ADAMTSL1: variants seen among roughly 807,000 people sequenced by gnomAD.
ADAMTSL1 encodes the protein ADAMTS-like protein 1.
ADAMTSL1 carries 126 observed loss-of-function variants against 201.8 expected under a neutral mutation model. The ratio of observed to expected loss-of-function variants is 0.62; its 90% CI spans 0.54 to 0.72. ADAMTSL1 has a LOEUF of 0.72. Among genes scored for constraint, ADAMTSL1 ranks in the 30% least tolerant of loss-of-function variants. The probability of loss-of-function intolerance (pLI) is 0.00; values close to 1 mark genes in which losing one functional copy is unlikely to be tolerated. For missense variants in ADAMTSL1, 2,679 were observed against 2,277.8 expected (o/e 1.18, Z -3.59); for synonymous variants, 1,121 against 903.4 (o/e 1.24, Z -4.32).
intron 1 of ADAMTSL1, among the ~76,000 whole-genome samples, chr9:18,481,626 A>C (rs919106270): frequency 6.6e-6 from 1 of 152,038 alleles, no homozygotes; most frequent in African/African-American, 2.4e-5. Flanking sequence ...GCACCTGCTT[A>C]GACGCTGTTT....
At chr9:18,214,106 C>T (rs1379804613) in intron 2 of ADAMTSL1, among the ~76,000 whole-genome samples, 3 of 152,154 alleles carry the variant, frequency 2.0e-5, no homozygotes, top group Admixed American at 2.0e-4. Flanking sequence ...ACAAAGTCAA[C>T]TCTTAGTGAT....
chr9:18,772,924 A>G (rs1373466075), intron 17 of ADAMTSL1, among the ~76,000 whole-genome samples: 1 of 152,192 alleles, frequency 6.6e-6, no homozygotes, highest in East Asian at 1.9e-4. Flanking sequence ...TAATGAATGG[A>G]GATTCCAAAC....
chr9:18,721,916 G>A (rs1262758508), intron 15 of ADAMTSL1, among the ~76,000 whole-genome samples: 2 of 152,210 alleles, frequency 1.3e-5, no homozygotes, highest in African/African-American at 2.4e-5. Context: ...TGGCTGGTAT[G>A]TGTGTGTGCC....
At chr9:18,084,965 G>T (rs1347810719) in intron 1 of ADAMTSL1, among the ~76,000 whole-genome samples, 1 of 152,162 alleles carries the variant, frequency 6.6e-6, no homozygotes, top group Non-Finnish European at 1.5e-5. Context: ...GGGAAGTTAG[G>T]TAAGACTCTA....
At chr9:18,079,653 G>T (rs10963438) in intron 1 of ADAMTSL1, among the ~76,000 whole-genome samples, 1 of 151,328 alleles carries the variant, frequency 6.6e-6, no homozygotes, top group Non-Finnish European at 1.5e-5. Context: ...CTGCACTCCA[G>T]TCTGGGAGAC....
In ADAMTSL1 at chr9:17,931,059, T is replaced by C. The variant is rs368285652; in HGVS notation, c.87+24137T>C. On this transcript the variant is annotated intron_variant, in intron 1 of 29. Coordinates refer to the ADAMTSL1 transcript ENST00000680146. ...TACAAATAAAAACCAGTTCTCCATCTCATGGGGCTATTAATCAAATAGTAT... is the reference window on the plus strand; with the variant it reads ...TACAAATAAAAACCAGTTCTCCATCCCATGGGGCTATTAATCAAATAGTAT... Among the ~76,000 whole-genome samples, 19 of 152,274 alleles carry C rather than the reference T, an allele frequency of 1.2e-4. 2 individuals are homozygous for C. The East Asian group carries it at 1.7e-3, about 14-fold the overall frequency.
chr9:18,894,888 G>GA (rs1050179141), intron 26 of ADAMTSL1, among the ~76,000 whole-genome samples: 10 of 152,012 alleles, frequency 6.6e-5, no homozygotes, highest in Non-Finnish European at 1.5e-4. Context: ...TAAACTGGGG[G>GA]AAAAAGAGGA....
At chr9:18,062,551 C>T (rs1822506471) in intron 1 of ADAMTSL1, among the ~76,000 whole-genome samples, 2 of 151,912 alleles carry the variant, frequency 1.3e-5, no homozygotes, top group African/African-American at 4.8e-5. Flanking sequence ...GAGACATCTA[C>T]CTTTAACTGT....
intron 3 of ADAMTSL1, among the ~76,000 whole-genome samples, chr9:18,540,576 G>A (rs112718401): frequency 1.3e-4 from 20 of 152,256 alleles, no homozygotes; most frequent in African/African-American, 4.8e-4. Context: ...AAAGAAGTGG[G>A]ATATTTATCT....
chr9:18,559,072 A>G (rs1422621395), intron 3 of ADAMTSL1, among the ~76,000 whole-genome samples: 2 of 152,118 alleles, frequency 1.3e-5, no homozygotes, highest in Admixed American at 1.3e-4. Context: ...TTAGTCGTGA[A>G]GTCTTTGCCC....
intron 1 of ADAMTSL1, among the ~76,000 whole-genome samples, chr9:18,488,143 C>T (rs1822090883): frequency 6.6e-6 from 1 of 152,202 alleles, no homozygotes; most frequent in South Asian, 2.1e-4. Flanking sequence ...CTCTCATTCC[C>T]TATCATCTGA....
chr9:18,161,416 T>G (rs781508415), intron 1 of ADAMTSL1, among the ~76,000 whole-genome samples: 9 of 152,094 alleles, frequency 5.9e-5, no homozygotes, highest in Non-Finnish European at 1.2e-4. Context: ...TAACTAAAGG[T>G]GATCACCATT....
chr9:17,937,868 C>G (rs1226631049), intron 1 of ADAMTSL1, among the ~76,000 whole-genome samples: 1 of 152,094 alleles, frequency 6.6e-6, no homozygotes, highest in Non-Finnish European at 1.5e-5. Context: ...TGGTGTTTTA[C>G]AATTCATGTT....
intron 20 of ADAMTSL1, among the ~76,000 whole-genome samples, chr9:18,815,401 G>A (rs748396553): frequency 2.6e-5 from 4 of 151,314 alleles, no homozygotes; most frequent in Non-Finnish European, 5.9e-5. Context: ...GAAAAAGAAT[G>A]AGGACAGGCG....
chr9:18,091,050 A>AGT (rs1208940951), intron 1 of ADAMTSL1, among the ~76,000 whole-genome samples: 14 of 138,564 alleles, frequency 1.0e-4, no homozygotes, highest in South Asian at 4.7e-4. Flanking sequence ...TTAAATAAGT[A>AGT]GTGTGTGTGT....
Position 18,844,170 on chromosome 9 carries a change from C to T in ADAMTSL1, c.4249+14193C>T, listed in dbSNP as rs939927528. Among the ~76,000 whole-genome samples, 5 of 152,170 alleles carry T rather than the reference C, an allele frequency of 3.3e-5. No homozygotes were observed. The East Asian group carries it at 9.7e-4, about 29-fold the overall frequency. On this transcript the variant is annotated intron_variant, in intron 23 of 28. Coordinates refer to ENST00000380548, the MANE Select transcript of ADAMTSL1 (RefSeq NM_001040272.6). ...TTTTTCCCTATCTTTGTGGTTTTATCTACTTTTGGTCTTTGATGATGGTGA... is the reference window on the plus strand; with the variant it reads ...TTTTTCCCTATCTTTGTGGTTTTATTTACTTTTGGTCTTTGATGATGGTGA...
chr9:18,346,620 C>G (rs545009534), intron 2 of ADAMTSL1, among the ~76,000 whole-genome samples: 8 of 152,276 alleles, frequency 5.3e-5, no homozygotes, highest in African/African-American at 1.9e-4. Context: ...GAAAGTCCTG[C>G]TTGACTACAT....
At chr9:18,335,391 G>A (rs1835192243) in intron 2 of ADAMTSL1, among the ~76,000 whole-genome samples, 1 of 151,872 alleles carries the variant, frequency 6.6e-6, no homozygotes, top group Admixed American at 6.6e-5. Flanking sequence ...TGAACTCCTG[G>A]TTCTATATTT....
chr9:18,828,660 T>TTATA (rs1554643931), intron 22 of ADAMTSL1, among the ~76,000 whole-genome samples: 296 of 28,518 alleles, frequency 0.01, 8 homozygotes, highest in Middle Eastern at 0.029. Context: ...GAAAGTATAT[T>TTATA]TATATATATA....
Sources: allele counts gnomAD v4.1 joint callset (sites outside exome capture counted in the v4.1 genomes callset), GRCh38; gene constraint gnomAD v4.1.1; transcripts MANE v1.5; gene names NCBI Gene and HGNC (gene_info 2026-07-23, HGNC 2026-07-21).